FAM107B: variants seen among roughly 807,000 people sequenced by gnomAD.
FAM107B encodes protein FAM107B.
FAM107B carries 21 observed loss-of-function variants against 31.5 expected under a neutral mutation model. That is an observed-to-expected ratio of 0.67 (90% confidence interval 0.47 to 0.96). FAM107B has a LOEUF of 0.96. Among genes scored for constraint, FAM107B ranks in the 40% least tolerant of loss-of-function variants. The pLI is 0.00. For synonymous variants in FAM107B, 157 were observed against 141.5 expected (o/e 1.11, Z -0.78); for missense variants, 452 against 377.1 (o/e 1.20, Z -1.64).
chr10:14,576,340 A>T (rs373872284), intron 2 of FAM107B, among the ~76,000 whole-genome samples: 2 of 152,192 alleles, frequency 1.3e-5, no homozygotes, highest in East Asian at 1.9e-4. Context: ...CAGCCTGGCA[A>T]ACATGGTGAA....
intron 2 of FAM107B, among the ~76,000 whole-genome samples, chr10:14,631,472 A>G (rs1196498904): frequency 6.6e-6 from 1 of 152,220 alleles, no homozygotes; most frequent in Non-Finnish European, 1.5e-5. Flanking sequence ...CTATTTTTAG[A>G]GACAGATTTC....
intron 2 of FAM107B, among the ~76,000 whole-genome samples, chr10:14,574,918 A>G (rs1344873710): frequency 3.3e-5 from 5 of 152,190 alleles, no homozygotes; most frequent in African/African-American, 4.8e-5. Flanking sequence ...TCCAAAAATC[A>G]TATTACCCTA....
chr10:14,539,661 A>T (rs1437560210), intron 2 of FAM107B, among the ~76,000 whole-genome samples: 1 of 152,192 alleles, frequency 6.6e-6, no homozygotes, highest in Non-Finnish European at 1.5e-5. Flanking sequence ...AATTTAAAAT[A>T]AACAAAGATT....
intron 2 of FAM107B, chr10:14,554,082 T>C (rs993780674): frequency 1.9e-5 from 19 of 983,994 alleles, no homozygotes; most frequent in African/African-American, 1.7e-4. Flanking sequence ...ATATAATTAA[T>C]GTATAGTAGA....
At chr10:14,580,336 C>T (rs1370894456) in intron 2 of FAM107B, among the ~76,000 whole-genome samples, 1 of 144,066 alleles carries the variant, frequency 6.9e-6, no homozygotes, top group Non-Finnish European at 1.5e-5. Flanking sequence ...CTCCAGCCTG[C>T]ACGACAGAGC....
At chr10:14,522,918 C>T (rs1417967531) in intron 3 of FAM107B, among the ~76,000 whole-genome samples, 3 of 152,132 alleles carry the variant, frequency 2.0e-5, no homozygotes, top group Non-Finnish European at 2.9e-5. Context: ...GCTCCTCCAC[C>T]GAAACCCTTT....
rs376663107 is a variant in FAM107B, at chr10:14,760,130, G to C, written c.411+14123C>G. Among the ~76,000 whole-genome samples the C allele has an allele frequency of 1.1e-4, 16 of 152,348 alleles. No homozygotes were observed. The South Asian group carries it at 2.7e-3, about 26-fold the overall frequency. ...GGCCACGTGGGAGAATAGGTTCCAA[G>C]ATAATTTTTTTCCCTTGAAGAAGGA... On this transcript the variant is annotated intron_variant, in intron 1 of 4. Coordinates refer to ENST00000181796, the MANE Select transcript of FAM107B (RefSeq NM_031453.4).
Position 14,730,049 on chromosome 10 carries a change from G to A in FAM107B, c.411+44204C>T, listed in dbSNP as rs141524104. Reference sequence around the variant, plus strand: ...ACTGAGGCCTGTTGGGGGGTTGGGGGCAAAGGGAGGGAGAGCATTAGGACA... The same window carrying A: ...ACTGAGGCCTGTTGGGGGGTTGGGGACAAAGGGAGGGAGAGCATTAGGACA... On this transcript the variant is annotated intron_variant, in intron 1 of 4. Transcript: ENST00000181796. Among the ~76,000 whole-genome samples the A allele has an allele frequency of 1.2e-3, 190 of 152,224 alleles. 1 individual carries two copies. Among genetic ancestry groups the A allele is most frequent in the African/African-American group, 4.4e-3 (183 of 41,534 alleles).
In FAM107B at chr10:14,530,414, T is replaced by G. The variant is rs1266563887; in HGVS notation, c.571A>C (p.Arg191=). The change falls in exon 3 of 5, where the codon AGG becomes CGG. Residue 191 remains arginine (R), a synonymous_variant. Transcript: ENST00000181796. ...YIEDDNPELI[R]PQKLINPVKT... ...ACAGGATTGATCAGTTTCTGAGGCC[T>G]AATGAGTTCAGGATTGTCATCTTCT... 28 of 1,614,076 alleles carry G rather than the reference T, an allele frequency of 1.7e-5. No homozygotes were observed. In the South Asian group the frequency reaches 3.0e-4, roughly 17 times the overall value.
At chr10:14,700,783 C>G (rs1284120065) in intron 1 of FAM107B, among the ~76,000 whole-genome samples, 3 of 128,030 alleles carry the variant, frequency 2.3e-5, no homozygotes. Flanking sequence ...AGCTCTGGAT[C>G]AACTACAGGC....
chr10:14,594,292 G>A (rs1852110150), intron 2 of FAM107B, among the ~76,000 whole-genome samples: 1 of 152,084 alleles, frequency 6.6e-6, no homozygotes, highest in Non-Finnish European at 1.5e-5. Flanking sequence ...GATTGCTTGA[G>A]GCCAGGAGTT....
At chr10:14,579,501 T>C (rs1851566733) in intron 2 of FAM107B, among the ~76,000 whole-genome samples, 1 of 152,210 alleles carries the variant, frequency 6.6e-6, no homozygotes, top group Non-Finnish European at 1.5e-5. Context: ...CGTTCCTACC[T>C]CTCTACCTGG....
intron 1 of FAM107B, among the ~76,000 whole-genome samples, chr10:14,742,597 C>T (rs1435230564): frequency 1.3e-5 from 2 of 152,098 alleles, no homozygotes; most frequent in African/African-American, 4.8e-5. Context: ...AGTTATTTCT[C>T]TTTTCCTCCT....
chr10:14,703,327 CTTT>C (rs532320563), intron 1 of FAM107B, among the ~76,000 whole-genome samples: 3 of 138,852 alleles, frequency 2.2e-5, no homozygotes, highest in Admixed American at 7.3e-5. Context: ...CCTTCTTCTT[CTTT>C]TTTTTTTTTT....
chr10:14,706,395 T>C (rs1855520701), intron 1 of FAM107B, among the ~76,000 whole-genome samples: 2 of 152,004 alleles, frequency 1.3e-5, no homozygotes, highest in African/African-American at 4.8e-5. Context: ...GCCTGGCTAA[T>C]TTTAAATTTT....
At chr10:14,578,078 G>A (rs957866142) in intron 2 of FAM107B, among the ~76,000 whole-genome samples, 5 of 152,122 alleles carry the variant, frequency 3.3e-5, no homozygotes, top group East Asian at 1.9e-4. Flanking sequence ...GAGCCAGGGC[G>A]TGCGGGTACA....
At chr10:14,609,122 AG>A (rs1852665371) in intron 2 of FAM107B, among the ~76,000 whole-genome samples, 1 of 152,238 alleles carries the variant, frequency 6.6e-6, no homozygotes, top group African/African-American at 2.4e-5. Flanking sequence ...GATGGGGGAA[AG>A]AAAAAACAAC....
chr10:14,650,945 T>C (rs1426757215), intron 2 of FAM107B, among the ~76,000 whole-genome samples: 2 of 152,226 alleles, frequency 1.3e-5, no homozygotes, highest in East Asian at 3.8e-4. Flanking sequence ...AGGAAACTTC[T>C]AGCGTCTGAG....
intron 1 of FAM107B, among the ~76,000 whole-genome samples, chr10:14,679,243 C>CCCCA (rs1463006143): frequency 1.3e-5 from 2 of 152,250 alleles, no homozygotes; most frequent in East Asian, 3.9e-4. Context: ...GATCCTCCTA[C>CCCCA]CCCAGCCTCC....
Sources: gnomAD v4.1 joint callset for allele counts (sites outside exome capture counted in the v4.1 genomes callset) on GRCh38, gnomAD v4.1.1 for gene constraint, MANE v1.5 for transcripts, NCBI Gene and HGNC (gene_info 2026-07-23, HGNC 2026-07-21) for gene names.